The following SNX27 variants were observed in gnomAD, a reference collection of about 807,000 sequenced individuals.
SNX27 encodes sorting nexin 27.
SNX27 carries 22 observed loss-of-function variants against 71.6 expected under a neutral mutation model. That is an observed-to-expected ratio of 0.31 (90% CI 0.22 to 0.44). SNX27 has a LOEUF of 0.44. SNX27 is among the 20% of genes least tolerant of loss of function. SNX27 has a pLI of 1.00. For synonymous variants in SNX27, 269 were observed against 277.2 expected (o/e 0.97, Z 0.29); for missense variants, 531 against 698.6 (o/e 0.76, Z 2.70).
chr1:151,664,539 G>C (rs143203838), intron 5 of SNX27, among the ~76,000 whole-genome samples: 1 of 152,044 alleles, frequency 6.6e-6, no homozygotes, highest in Non-Finnish European at 1.5e-5. Flanking sequence ...CATGATCTGC[G>C]TGCTGGGTGT....
chr1:151,639,948 C>T lies in SNX27; in HGVS notation c.543+829C>T, dbSNP rs183725082. ...CTGTTAGATGCTGGCAAACAGACTA[C>T]AGGTTTTAAAGCTTAACAGTTGACT... is the stretch of plus-strand genomic sequence containing the variant. On this transcript the variant is annotated intron_variant, in intron 2 of 11. Coordinates refer to ENST00000458013, the MANE Select transcript of SNX27 (RefSeq NM_001330723.2). Among the ~76,000 whole-genome samples, 14 of 152,276 alleles carry T rather than the reference C, an allele frequency of 9.2e-5. No homozygotes were observed. In the East Asian group the frequency reaches 2.5e-3, roughly 27 times the overall value.
chr1:151,652,927 CTTTTT>C (rs34826631), intron 2 of SNX27, among the ~76,000 whole-genome samples: 1 of 109,478 alleles, frequency 9.1e-6, no homozygotes, highest in Non-Finnish European at 2.0e-5. Context: ...TGTTGGGTTT[CTTTTT>C]TTTTTTTTTT....
At chr1:151,657,723 TAGCAAAAATAA>T (rs1326233486) in intron 2 of SNX27, among the ~76,000 whole-genome samples, 3 of 152,166 alleles carry the variant, frequency 2.0e-5, no homozygotes, top group Non-Finnish European at 2.9e-5. Context: ...GTCATTTTAA[TAGCAAAAATAA>T]GATCACACTC....
intron 1 of SNX27, among the ~76,000 whole-genome samples, chr1:151,623,947 A>G (rs1280601693): frequency 4.7e-4 from 72 of 152,006 alleles, no homozygotes; most frequent in South Asian, 2.1e-4. Flanking sequence ...TTGTGCTTAC[A>G]TTTTTTAAAA....
At chr1:151,650,981 A>G (rs1669311960) in intron 2 of SNX27, among the ~76,000 whole-genome samples, 2 of 152,286 alleles carry the variant, frequency 1.3e-5, no homozygotes, top group South Asian at 4.1e-4. Context: ...AACCAAATGA[A>G]AAGTCTCCCA....
At position 151,694,513 on chromosome 1, in the gene SNX27, AAAAGTT is replaced by A. The variant is rs1246677218; in HGVS notation, c.*102_*107del. On this transcript the variant is annotated 3_prime_UTR_variant, in exon 12 of 12. Transcript: ENST00000458013. ...GTAACCATTAACAAAAAAGAAGAGAAAAAGTTAAAGTCGTTATATTCAAAAGCCCTA... is the reference window on the plus strand; with the variant it reads ...GTAACCATTAACAAAAAAGAAGAGAAAAAGTCGTTATATTCAAAAGCCCTA... The A allele has an allele frequency of 7.7e-7, 1 of 1,301,334 alleles. No individual in the cohort carries two copies. The allele number at this position is 1,301,334 out of a possible 1,614,324, so 80.6% of individuals were successfully genotyped here. A position where few individuals can be genotyped will look rare whatever the true frequency, so the allele number is the denominator to read the frequency against.
At position 151,692,992 on chromosome 1, in the gene SNX27, G is replaced by A; in HGVS notation, c.1471G>A (p.Ala491Thr). The A allele has an allele frequency of 6.2e-7, 1 of 1,614,208 alleles. No homozygotes were observed. The highest frequency in any genetic ancestry group is 1.3e-5 in the African/African-American group (1 of 75,044). The part of the protein sequence containing the change: ...EEGMAFCFEY[A>T]RGEKKPRWVK... ...AGGGATGGCCTTCTGTTTCGAATAT[G>A]CACGAGGAGAGAAGAAGCCCCGATG... is the stretch of plus-strand genomic sequence containing the variant. The change falls in exon 10 of 12, where the codon GCA (alanine) becomes ACA (threonine). Residue 491 changes from alanine (A) to threonine (T), a missense_variant. This residue lies in a region of SNX27 where 157 missense variants were observed against 178.4 expected (regional missense o/e 0.88). Coordinates refer to ENST00000458013, the MANE Select transcript of SNX27 (RefSeq NM_001330723.2).
chr1:151,683,247 C>G, intron 7 of SNX27, 109 bp from the exon 8 acceptor site: 2 of 782,758 alleles, frequency 2.6e-6, no homozygotes, highest in Non-Finnish European at 4.2e-6. Flanking sequence ...GATGGTGGTC[C>G]AAGTGGATAA....
At chr1:151,651,044 CCCCACCTTT>C (rs1199989590) in intron 2 of SNX27, among the ~76,000 whole-genome samples, 1 of 152,052 alleles carries the variant, frequency 6.6e-6, no homozygotes, top group Admixed American at 6.5e-5. Flanking sequence ...TCAATCTTTT[CCCCACCTTT>C]CCCGCCTTTC....
At chr1:151,668,422 G>A (rs757699301) in intron 6 of SNX27, 50 bp from the exon 7 acceptor site, 2 of 1,554,684 alleles carry the variant, frequency 1.3e-6, no homozygotes, top group South Asian at 1.2e-5. Flanking sequence ...TACTAGGGAA[G>A]TTTCTTATAT....
intron 2 of SNX27, among the ~76,000 whole-genome samples, chr1:151,655,555 T>A (rs1316505111): frequency 6.6e-6 from 1 of 152,220 alleles, no homozygotes; most frequent in East Asian, 1.9e-4. Context: ...CCAAACTCTG[T>A]TTGGGTACCC....
chr1:151,655,854 C>A (rs1344516015), intron 2 of SNX27, among the ~76,000 whole-genome samples: 7 of 151,992 alleles, frequency 4.6e-5, no homozygotes, highest in Non-Finnish European at 8.8e-5. Context: ...AAAAGAAATG[C>A]CAGTGGAACT....
At chr1:151,681,106 T>G (rs1225448004) in intron 7 of SNX27, among the ~76,000 whole-genome samples, 1 of 152,138 alleles carries the variant, frequency 6.6e-6, no homozygotes, top group African/African-American at 2.4e-5. Flanking sequence ...TACAAAACTC[T>G]TAACATCTGT....
At chr1:151,674,705 T>G (rs571692281) in intron 7 of SNX27, among the ~76,000 whole-genome samples, 67 of 151,968 alleles carry the variant, frequency 4.4e-4, no homozygotes, top group Admixed American at 1.5e-3. Context: ...TTTTTTTTTT[T>G]GAGACAAAGT....
At chr1:151,656,152 G>A (rs1487234295) in intron 2 of SNX27, among the ~76,000 whole-genome samples, 2 of 151,568 alleles carry the variant, frequency 1.3e-5, no homozygotes, top group Non-Finnish European at 2.9e-5. Flanking sequence ...GAACCCGGGG[G>A]GCGGAGCTTG....
chr1:151,657,740 C>A (rs1465692160), intron 2 of SNX27, among the ~76,000 whole-genome samples: 1 of 152,120 alleles, frequency 6.6e-6, no homozygotes, highest in Non-Finnish European at 1.5e-5. Context: ...AATAAGATCA[C>A]ACTCCTCCTG....
chr1:151,647,827 A>G (rs1428883855), intron 2 of SNX27, among the ~76,000 whole-genome samples: 1 of 148,574 alleles, frequency 6.7e-6, no homozygotes, highest in Non-Finnish European at 1.5e-5. Flanking sequence ...GTGTAAATTC[A>G]GGACCCAAAA....
intron 2 of SNX27, among the ~76,000 whole-genome samples, chr1:151,645,852 C>T (rs770263472): frequency 5.3e-5 from 8 of 152,226 alleles, no homozygotes; most frequent in Non-Finnish European, 1.0e-4. Flanking sequence ...TGAGTCCCCT[C>T]CACAGTCTGC....
intron 2 of SNX27, among the ~76,000 whole-genome samples, chr1:151,655,572 G>A (rs1669646003): frequency 6.6e-6 from 1 of 152,142 alleles, no homozygotes; most frequent in Non-Finnish European, 1.5e-5. Flanking sequence ...ACCCCTCCCT[G>A]AGCTGCAGTT....
Sources: allele counts gnomAD v4.1 joint callset (sites outside exome capture counted in the v4.1 genomes callset), GRCh38; gene constraint gnomAD v4.1.1; regional missense constraint gnomAD v4.1.1; transcripts MANE v1.5; gene names NCBI Gene and HGNC (gene_info 2026-07-23, HGNC 2026-07-21).